The following FGFR3 variants were observed in gnomAD, a reference collection of about 807,000 sequenced individuals.
The protein encoded by FGFR3 is FGFR-3.
Under a neutral mutation model 82.9 loss-of-function variants are expected in FGFR3, and 25 were observed. The observed-to-expected ratio is 0.30, with a 90% CI of 0.22 to 0.42. The LOEUF (loss-of-function observed/expected upper bound fraction) is 0.42, where lower values mean the gene tolerates loss of function less well. Among genes scored for constraint, FGFR3 ranks in the 10% least tolerant of loss-of-function variants. The pLI, the probability that FGFR3 is intolerant of heterozygous loss-of-function variation, is 1.00. For synonymous variants in FGFR3, 620 were observed against 516.0 expected (o/e 1.20, Z -2.73); for missense variants, 1,026 against 1,161.0 (o/e 0.88, Z 1.69).
Position 1,806,695 on chromosome 4 carries a change from C to G in FGFR3, c.2168+12C>G, listed in dbSNP as rs369096713. Reference sequence around the variant, plus strand: ...TGCACACACGACCTGTGAGTGGCATCCCTGGCCCTCCACTGGGTCCTCAGG... The same window carrying G: ...TGCACACACGACCTGTGAGTGGCATGCCTGGCCCTCCACTGGGTCCTCAGG... On this transcript the variant is annotated intron_variant, in intron 16 of 17. Coordinates refer to ENST00000440486, the MANE Select transcript of FGFR3 (RefSeq NM_000142.5). The G allele has an allele frequency of 1.3e-5, 21 of 1,611,520 alleles. No homozygotes were observed. The highest frequency in any genetic ancestry group is 5.0e-5 in the Admixed American group (3 of 59,980).
chr4:1,793,964 C>G lies in FGFR3; in HGVS notation c.30C>G (p.Leu10=). MGAPACALA[L]CVAVAIVAGA... is the part of the protein sequence containing the mutation. The stretch of plus-strand genomic sequence containing the variant: ...GCGCCCCTGCCTGCGCCCTCGCGCT[C>G]TGCGTGGCCGTGGCCATCGTGGCCG... The change falls in exon 2 of 18, where the codon CTC becomes CTG. Residue 10 remains leucine (L), a synonymous_variant. Coordinates refer to ENST00000440486, the MANE Select transcript of FGFR3 (RefSeq NM_000142.5). The G allele has an allele frequency of 1.5e-6, 2 of 1,371,884 alleles. No homozygotes were observed. The highest frequency in any genetic ancestry group is 1.9e-6 in the Non-Finnish European group (2 of 1,049,498). The allele number at this position is 1,371,884 out of a possible 1,614,324, so 85.0% of individuals were successfully genotyped here.
At chr4:1,806,442 C>T (rs1467092827) in intron 15 of FGFR3, 104 bp from the exon 16 acceptor site, 14 of 1,605,796 alleles carry the variant, frequency 8.7e-6, no homozygotes, top group African/African-American at 1.3e-5. Flanking sequence ...TGGTTTCTAC[C>T]CCTCCCTGGG....
Position 1,806,339 on chromosome 4 carries a change from G to A in FGFR3, c.2030+12G>A, listed in dbSNP as rs757808607. 1.2e-6 allele frequency: 2 copies of A among 1,612,952 alleles called. No individual in the cohort carries two copies. The highest frequency in any genetic ancestry group is 1.7e-6 in the Non-Finnish European group (2 of 1,179,954). On this transcript the variant is annotated intron_variant, in intron 15 of 17. Coordinates refer to ENST00000440486, the MANE Select transcript of FGFR3 (RefSeq NM_000142.5). ...CACCAGAGTGACGTGTACGTGTCCT[G>A]CAGAGCTCAGGCTTCAGGGGTGGAG... is the stretch of plus-strand genomic sequence containing the variant.
Position 1,807,625 on chromosome 4 carries a change from C to T in FGFR3, c.*363C>T, listed in dbSNP as rs750232146. The T allele has an allele frequency of 6.1e-6, 4 of 654,426 alleles. No individual in the cohort carries two copies. The highest frequency in any genetic ancestry group is 6.1e-5 in the East Asian group (2 of 32,824). 40.5% of individuals were successfully genotyped at this position (654,426 alleles called of 1,614,324 possible). On this transcript the variant is annotated 3_prime_UTR_variant, in exon 18 of 18. Coordinates refer to ENST00000440486, the MANE Select transcript of FGFR3 (RefSeq NM_000142.5). ...GAGCTGGGCCCGACATGGCTCCGGCCTCTGCCTTTGCACCACGGGACATCA... is the reference window on the plus strand; with the variant it reads ...GAGCTGGGCCCGACATGGCTCCGGCTTCTGCCTTTGCACCACGGGACATCA...
Position 1,794,021 on chromosome 4 carries a change from G to C in FGFR3, c.87G>C (p.Gln29His), listed in dbSNP as rs553265665. Residue 29 changes from glutamine to histidine, a missense_variant, in exon 2 of 18, where the codon CAG (glutamine) becomes CAC (histidine). Physicochemically the swap from Gln to His is conservative, Grantham distance 24. Around this residue, in one of 9 missense-constraint regions of FGFR3, gnomAD observed 226 missense variants for 222.0 expected, o/e 1.02. Transcript: ENST00000440486. Reference sequence around the variant, plus strand: ...CCTCGGAGTCCTTGGGGACGGAGCAGCGCGTCGTGGGGCGAGCGGCAGGTA... The same window carrying C: ...CCTCGGAGTCCTTGGGGACGGAGCACCGCGTCGTGGGGCGAGCGGCAGGTA... ...GASSESLGTE[Q>H]RVVGRAAEVP... The C allele has an allele frequency of 5.3e-5, 75 of 1,419,618 alleles. No homozygotes were observed. The East Asian group carries it at 2.1e-3, about 40-fold the overall frequency. 87.9% of individuals were successfully genotyped at this position (1,419,618 alleles called of 1,614,324 possible). A position where few individuals can be genotyped will look rare whatever the true frequency, so the allele number is the denominator to read the frequency against.
chr4:1,796,451 C>G (rs374362582), intron 2 of FGFR3, among the ~76,000 whole-genome samples: 1 of 152,114 alleles, frequency 6.6e-6, no homozygotes, highest in Non-Finnish European at 1.5e-5. Flanking sequence ...CTCCTGTACC[C>G]CAGAGAGCTG....
chr4:1,806,948 C>T lies in FGFR3; in HGVS notation c.2274+14C>T, dbSNP rs770152652. On this transcript the variant is annotated intron_variant, in intron 17 of 17. Coordinates refer to ENST00000440486, the MANE Select transcript of FGFR3 (RefSeq NM_000142.5). ...ACGTCCACCGACGTGAGTGCTGGCT[C>T]TGGCCTGGTGCCACCCGCCTATGCC... 3 of 1,584,592 alleles carry T rather than the reference C, an allele frequency of 1.9e-6. No homozygotes were observed. In the South Asian group the frequency reaches 3.4e-5, roughly 18 times the overall value.
chr4:1,794,079 C>T, intron 2 of FGFR3, 36 bp downstream of exon 2: 2 of 1,245,226 alleles, frequency 1.6e-6, no homozygotes, highest in Non-Finnish European at 1.0e-6. Flanking sequence ...GAGAGGCCGG[C>T]CCGTGCGGGC....
In FGFR3 at chr4:1,807,395, G is replaced by A; in HGVS notation, c.*133G>A. The A allele has an allele frequency of 3.6e-6, 4 of 1,102,682 alleles. No homozygotes were observed. Among genetic ancestry groups the A allele is most frequent in the Non-Finnish European group, 4.9e-6 (4 of 815,080 alleles). 68.3% of individuals were successfully genotyped at this position (1,102,682 alleles called of 1,614,324 possible). A position where few individuals can be genotyped will look rare whatever the true frequency, so the allele number is the denominator to read the frequency against. Reference sequence around the variant, plus strand: ...ACAGAGCTTTGGTCTGTGTGTGTGTGTGTGCGTGTGTGTGTGTGTGTGTGC... The same window carrying A: ...ACAGAGCTTTGGTCTGTGTGTGTGTATGTGCGTGTGTGTGTGTGTGTGTGC... On this transcript the variant is annotated 3_prime_UTR_variant, in exon 18 of 18. Coordinates refer to ENST00000440486, the MANE Select transcript of FGFR3 (RefSeq NM_000142.5).
intron 3 of FGFR3, 32 bp downstream of exon 3, chr4:1,799,555 G>A (rs202209333): frequency 1.6e-4 from 242 of 1,550,018 alleles, no homozygotes; most frequent in Non-Finnish European, 2.0e-4. Context: ...GCTACAGAAA[G>A]GAGCCGAGTG....
intron 2 of FGFR3, 95 bp downstream of exon 2, chr4:1,794,138 T>A: frequency 1.7e-6 from 1 of 592,766 alleles, no homozygotes; most frequent in Non-Finnish European, 2.5e-6. Context: ...GGCCGCCGGG[T>A]GTGAGTGACG....
At position 1,808,149 on chromosome 4, in the gene FGFR3, C is replaced by T. The variant is rs1018874088; in HGVS notation, c.*887C>T. On this transcript the variant is annotated 3_prime_UTR_variant, in exon 18 of 18. Transcript: ENST00000440486. The stretch of plus-strand genomic sequence containing the variant: ...CCCTGGCACTCTTGTTCCCACACCC[C>T]AACACTTCCAGCATTTAGCTGGCCA... 4.3e-5 allele frequency: 10 copies of T among 232,726 alleles called. No homozygotes were observed. The highest frequency in any genetic ancestry group is 5.1e-5 in the Non-Finnish European group (6 of 117,808). 14.4% of individuals were successfully genotyped at this position (232,726 alleles called of 1,614,324 possible). A position where few individuals can be genotyped will look rare whatever the true frequency, so the allele number is the denominator to read the frequency against.
chr4:1,794,804 A>T (rs1396032120), intron 2 of FGFR3, among the ~76,000 whole-genome samples: 2 of 151,566 alleles, frequency 1.3e-5, no homozygotes, highest in African/African-American at 4.8e-5. Flanking sequence ...GCCGCCGCGT[A>T]CACCCGCAGC....
rs1722187347 is a variant in FGFR3, at chr4:1,807,995, G to A, written c.*733G>A. On this transcript the variant is annotated 3_prime_UTR_variant, in exon 18 of 18. Transcript: ENST00000440486. The stretch of plus-strand genomic sequence containing the variant: ...ACAGGAGGCAGGCATGGCCCTGGGC[G>A]GGGCGTGGGGGGGCGTGGAGGGAGG... The A allele has an allele frequency of 8.2e-6, 2 of 242,844 alleles. No individual in the cohort carries two copies. Among genetic ancestry groups the A allele is most frequent in the East Asian group, 1.2e-4 (2 of 16,798 alleles). 15.0% of individuals were successfully genotyped at this position (242,844 alleles called of 1,614,324 possible).
intron 4 of FGFR3, among the ~76,000 whole-genome samples, chr4:1,800,274 G>T (rs1721028779): frequency 6.6e-6 from 1 of 151,982 alleles, no homozygotes; most frequent in African/African-American, 2.4e-5. Context: ...TGGTGGGTGG[G>T]CTGCGGCTGT....
Position 1,799,346 on chromosome 4 carries a change from C to G in FGFR3, c.202C>G (p.Pro68Ala), listed in dbSNP as rs893035807. 1 of 1,612,452 alleles carries G rather than the reference C, an allele frequency of 6.2e-7. No individual in the cohort carries two copies. Among genetic ancestry groups the G allele is most frequent in the African/African-American group, 1.3e-5 (1 of 74,938 alleles). Residue 68 changes from proline (P) to alanine (A), a missense_variant, in exon 3 of 18, where the codon CCC (proline) becomes GCC (alanine). Physicochemically the swap from Pro to Ala is conservative, Grantham distance 27. Around this residue, in one of 9 missense-constraint regions of FGFR3, gnomAD observed 226 missense variants for 222.0 expected, o/e 1.02. Transcript: ENST00000440486. Reference protein sequence around the residue: ...ELSCPPPGGGPMGPTVWVKDG... With the variant: ...ELSCPPPGGGAMGPTVWVKDG... ...GAGCTGTCCCCCGCCCGGGGGTGGT[C>G]CCATGGGGCCCACTGTCTGGGTCAA...
intron 2 of FGFR3, among the ~76,000 whole-genome samples, chr4:1,798,240 C>T (rs1291296300): frequency 2.6e-5 from 4 of 151,950 alleles, no homozygotes; most frequent in African/African-American, 9.7e-5. Flanking sequence ...GCTTCTCAGC[C>T]CCCAGGGAGG....
At chr4:1,805,096 G>T in intron 10 of FGFR3, 127 bp downstream of exon 10, 1 of 1,394,886 alleles carries the variant, frequency 7.2e-7, no homozygotes. Context: ...GTGTGGCTGG[G>T]GTTCTGTGGA....
intron 7 of FGFR3, 115 bp from the exon 8 acceptor site, chr4:1,803,574 TGAG>T: frequency 2.0e-6 from 3 of 1,505,524 alleles, no homozygotes; most frequent in East Asian, 4.9e-5. Flanking sequence ...TGGCGGTGGC[TGAG>T]GAGTTGGTGG....
Sources: allele counts gnomAD v4.1 joint callset (sites outside exome capture counted in the v4.1 genomes callset), GRCh38; gene constraint gnomAD v4.1.1; regional missense constraint gnomAD v4.1.1; transcripts MANE v1.5; gene names NCBI Gene and HGNC (gene_info 2026-07-23, HGNC 2026-07-21).